NT5C2: variants seen among roughly 807,000 people sequenced by gnomAD.
The protein encoded by NT5C2 is 5'-nucleotidase, cytosolic II, also known as cytosolic purine 5'-nucleotidase.
In NT5C2, 58 loss-of-function variants were observed where a neutral mutation model predicts 76.1. That is an observed-to-expected ratio of 0.76 (90% CI 0.62 to 0.95). The LOEUF (loss-of-function observed/expected upper bound fraction) is 0.95, where lower values mean the gene tolerates loss of function less well. Among genes scored for constraint, NT5C2 ranks in the 40% least tolerant of loss-of-function variants. NT5C2 has a pLI of 0.00. For synonymous variants in NT5C2, 229 were observed against 237.4 expected, an observed-to-expected ratio of 0.96 and a Z score of 0.32; for missense variants, 478 against 690.3, an observed-to-expected ratio of 0.69 and a Z score of 3.45.
chr10:103,139,343 C>T, intron 4 of NT5C2, 63 bp downstream of exon 4: 2 of 1,093,074 alleles, frequency 1.8e-6, no homozygotes, highest in Non-Finnish European at 2.7e-6. Context: ...GAATTGCCTA[C>T]TGTGAACCCA....
intron 3 of NT5C2, among the ~76,000 whole-genome samples, chr10:103,157,674 G>A (rs1196839010): frequency 6.6e-6 from 1 of 152,128 alleles, no homozygotes; most frequent in Non-Finnish European, 1.5e-5. Flanking sequence ...ATTCAAGATA[G>A]ACCACAGAGT....
chr10:103,106,885 T>C (rs1425798536), intron 4 of NT5C2, among the ~76,000 whole-genome samples, 179 bp from the exon 5 acceptor site: 1 of 152,190 alleles, frequency 6.6e-6, no homozygotes, highest in East Asian at 1.9e-4. Context: ...ACTCAATTGT[T>C]AGTCTGTGGA....
chr10:103,105,655 A>T, intron 6 of NT5C2, 51 bp downstream of exon 6: 1 of 1,180,324 alleles, frequency 8.5e-7, no homozygotes, highest in Non-Finnish European at 1.3e-6. Context: ...TGTCATCTTC[A>T]CATTGTTTGA....
chr10:103,146,800 G>A (rs1265297675), intron 3 of NT5C2, among the ~76,000 whole-genome samples: 1 of 152,110 alleles, frequency 6.6e-6, no homozygotes, highest in East Asian at 1.9e-4. Flanking sequence ...AACATGTCCA[G>A]GTCCTCATTA....
rs1333796344 is a variant in NT5C2 at position 103,090,138 on chromosome 10, A to AGAT, written c.1450-233_1450-231dup. ...GTCTACTGCAGCTGGAAATTGGAAA[A>AGAT]GATGGAGAGGGGAGTTTACTTTCTA... On this transcript the variant is annotated intron_variant, in intron 18 of 18. Coordinates refer to ENST00000404739, the MANE Select transcript of NT5C2 (RefSeq NM_001351169.2). 6 of 442,506 alleles carry AGAT rather than the reference A, an allele frequency of 1.4e-5. No homozygotes were observed. Among genetic ancestry groups the AGAT allele is most frequent in the East Asian group, 1.0e-4 (3 of 29,684 alleles). 27.4% of individuals were successfully genotyped at this position (442,506 alleles called of 1,614,324 possible). A position where few individuals can be genotyped will look rare whatever the true frequency, so the allele number is the denominator to read the frequency against.
At chr10:103,128,006 AAAAC>A (rs113911704) in intron 4 of NT5C2, among the ~76,000 whole-genome samples, 24 of 148,848 alleles carry the variant, frequency 1.6e-4, no homozygotes, top group African/African-American at 5.0e-4. Flanking sequence ...ACCCCCTGCA[AAAAC>A]AAACAAACAA....
At chr10:103,171,937 C>T (rs2134618023) in intron 3 of NT5C2, among the ~76,000 whole-genome samples, 1 of 152,162 alleles carries the variant, frequency 6.6e-6, no homozygotes, top group African/African-American at 2.4e-5. Flanking sequence ...AGGCCGGGAG[C>T]AGTGGCTCAC....
At chr10:103,178,516 G>A (rs2090442237) in intron 2 of NT5C2, among the ~76,000 whole-genome samples, 1 of 151,902 alleles carries the variant, frequency 6.6e-6, no homozygotes, top group African/African-American at 2.4e-5. Flanking sequence ...CTTGCAGTGA[G>A]CTGATTATGC....
rs1354871224 is a variant in NT5C2 at position 103,095,803 on chromosome 10, G to A, written c.813+136C>T. The stretch of plus-strand genomic sequence containing the variant: ...CTCCTGGATTACTTCTAATGTTAAT[G>A]AAGATTAGACAATAGGCTTAAAAAG... On this transcript the variant is annotated intron_variant, in intron 12 of 18. Transcript: ENST00000404739. 3 of 711,236 alleles carry A rather than the reference G, an allele frequency of 4.2e-6. No individual in the cohort carries two copies. In the African/African-American group the frequency reaches 5.4e-5, roughly 13 times the overall value. The allele number at this position is 711,236 out of a possible 1,614,324, so 44.1% of individuals were successfully genotyped here. A position where few individuals can be genotyped will look rare whatever the true frequency, so the allele number is the denominator to read the frequency against.
At chr10:103,173,093 C>T (rs1035970006) in intron 3 of NT5C2, among the ~76,000 whole-genome samples, 4 of 152,100 alleles carry the variant, frequency 2.6e-5, no homozygotes, top group African/African-American at 9.7e-5. Context: ...AAGCAATCCT[C>T]CTGCTTTGGT....
chr10:103,092,793 G>A (rs2067243617), intron 15 of NT5C2, among the ~76,000 whole-genome samples: 1 of 152,178 alleles, frequency 6.6e-6, no homozygotes, highest in African/African-American at 2.4e-5. Context: ...TTAGCAGAGA[G>A]ACTGGGACTG....
At chr10:103,131,475 G>T (rs1041786196) in intron 4 of NT5C2, among the ~76,000 whole-genome samples, 1 of 152,180 alleles carries the variant, frequency 6.6e-6, no homozygotes, top group African/African-American at 2.4e-5. Flanking sequence ...TTGTGAATGG[G>T]ATTAGTGCCC....
At position 103,093,962 on chromosome 10, in the gene NT5C2, T is replaced by C. The variant is rs1432825098; in HGVS notation, c.988+10A>G. The C allele has an allele frequency of 5.0e-6, 8 of 1,602,390 alleles. No homozygotes were observed. Among genetic ancestry groups the C allele is most frequent in the Middle Eastern group, 1.7e-4 (1 of 6,050 alleles). ...CAAAGACATTAAATAAAGGGAAGTC[T>C]GTGACTTACCTCCTGAGTAGACGAT... is the stretch of plus-strand genomic sequence containing the variant. On this transcript the variant is annotated intron_variant, in intron 14 of 18. Coordinates refer to ENST00000404739, the MANE Select transcript of NT5C2 (RefSeq NM_001351169.2).
intron 2 of NT5C2, among the ~76,000 whole-genome samples, chr10:103,177,230 AGAAG>A (rs755899594): frequency 1.8e-4 from 28 of 152,324 alleles, no homozygotes; most frequent in Non-Finnish European, 4.0e-4. Flanking sequence ...ATGAACAAAA[AGAAG>A]GAATAAACTA....
At chr10:103,093,070 A>T in intron 15 of NT5C2, 69 bp downstream of exon 15, 1 of 1,350,862 alleles carries the variant, frequency 7.4e-7, no homozygotes, top group Non-Finnish European at 9.9e-7. Context: ...GTAATGGTTT[A>T]TCAAAGACGA....
chr10:103,133,905 A>G (rs1315670862), intron 4 of NT5C2, among the ~76,000 whole-genome samples: 3 of 152,236 alleles, frequency 2.0e-5, no homozygotes, highest in Middle Eastern at 3.2e-3. Context: ...GAGTCTTTAT[A>G]TATTTTAGCA....
chr10:103,155,537 A>G (rs1425615414), intron 3 of NT5C2, among the ~76,000 whole-genome samples: 4 of 152,206 alleles, frequency 2.6e-5, no homozygotes, highest in African/African-American at 9.7e-5. Context: ...GAGGTCTCCA[A>G]CAGAAGAGGA....
At chr10:103,124,639 A>C (rs1159104774) in intron 4 of NT5C2, among the ~76,000 whole-genome samples, 1 of 151,988 alleles carries the variant, frequency 6.6e-6, no homozygotes, top group Non-Finnish European at 1.5e-5. Flanking sequence ...TATCCCTGCC[A>C]CACCGCCCCT....
At chr10:103,125,402 G>A (rs548208978) in intron 4 of NT5C2, 362 of 285,698 alleles carry the variant, frequency 1.3e-3, no homozygotes, top group African/African-American at 6.6e-3. Context: ...CAGCCAAGTC[G>A]TTCATGTGCA....
Sources: allele counts gnomAD v4.1 joint callset (sites outside exome capture counted in the v4.1 genomes callset), GRCh38; gene constraint gnomAD v4.1.1; transcripts MANE v1.5; gene names NCBI Gene and HGNC (gene_info 2026-07-23, HGNC 2026-07-21).